Variants in PDE4D observed in about 807,000 individuals in gnomAD.
PDE4D encodes phosphodiesterase 4D.
In PDE4D, 24 loss-of-function variants were observed where a neutral mutation model predicts 87.4. The ratio of observed to expected loss-of-function variants is 0.27; its 90% CI spans 0.20 to 0.39. The LOEUF is 0.39. Among genes scored for constraint, PDE4D ranks in the 10% least tolerant of loss-of-function variants. The pLI is 1.00. For missense variants in PDE4D, 714 were observed against 1,041.0 expected (o/e 0.69, Z 4.32); for synonymous variants, 384 against 383.2 (o/e 1.00, Z -0.02).
At chr5:60,425,810 C>G (rs1482191690) in intron 1 of PDE4D, among the ~76,000 whole-genome samples, 3 of 152,160 alleles carry the variant, frequency 2.0e-5, no homozygotes, top group Admixed American at 6.5e-5. Flanking sequence ...TATCCAGAAT[C>G]TACAAAGAAC....
intron 1 of PDE4D, among the ~76,000 whole-genome samples, chr5:59,334,247 GTTTTTTTTTTTT>G (rs564248041): frequency 5.1e-5 from 5 of 98,602 alleles, no homozygotes; most frequent in African/African-American, 8.2e-5. Flanking sequence ...ATCCAGTGGA[GTTTTTTTTTTTT>G]TTTTTTTTTT....
At chr5:60,212,166 A>AT (rs70975374) in intron 1 of PDE4D, among the ~76,000 whole-genome samples, 16,296 of 151,526 alleles carry the variant, frequency 0.11, 975 homozygotes, top group African/African-American at 0.15. Flanking sequence ...TTATATATAT[A>AT]TTTTTTTTCT....
At chr5:59,760,586 C>T (rs898877617) in intron 1 of PDE4D, among the ~76,000 whole-genome samples, 2 of 152,010 alleles carry the variant, frequency 1.3e-5, no homozygotes, top group Admixed American at 6.6e-5. Context: ...TCATCTAGTC[C>T]TTAATCAGGA....
intron 1 of PDE4D, among the ~76,000 whole-genome samples, chr5:59,645,727 T>C (rs570893305): frequency 6.6e-6 from 1 of 152,134 alleles, no homozygotes; most frequent in Non-Finnish European, 1.5e-5. Context: ...GTTCAAAACA[T>C]ATAAAGCCAG....
chr5:59,916,124 T>C (rs1011356170), intron 3 of PDE4D, among the ~76,000 whole-genome samples: 1 of 152,188 alleles, frequency 6.6e-6, no homozygotes, highest in African/African-American at 2.4e-5. Context: ...AATGCTTTTT[T>C]TCCTGAACTT....
At chr5:60,483,385 T>C (rs1014112759) in intron 1 of PDE4D, among the ~76,000 whole-genome samples, 9 of 152,190 alleles carry the variant, frequency 5.9e-5, no homozygotes, top group African/African-American at 2.2e-4. Flanking sequence ...GATTGGTCAT[T>C]CCTTCATTAT....
At chr5:60,392,373 T>C (rs1192398119) in intron 1 of PDE4D, among the ~76,000 whole-genome samples, 1 of 151,890 alleles carries the variant, frequency 6.6e-6, no homozygotes, top group African/African-American at 2.4e-5. Flanking sequence ...ATTTTTGTTT[T>C]TTCTAGTTGA....
chr5:60,025,243 G>T (rs116377399), intron 2 of PDE4D, among the ~76,000 whole-genome samples: 3 of 152,078 alleles, frequency 2.0e-5, no homozygotes, highest in Non-Finnish European at 4.4e-5. Context: ...TTATGAAAAC[G>T]TTTGCAGCAA....
chr5:59,365,536 G>T (rs952757237), intron 1 of PDE4D, among the ~76,000 whole-genome samples: 1 of 152,128 alleles, frequency 6.6e-6, no homozygotes, highest in Non-Finnish European at 1.5e-5. Context: ...CATATCAAAT[G>T]AGTTATTTTT....
chr5:59,307,422 C>A (rs1002207961), intron 1 of PDE4D, among the ~76,000 whole-genome samples: 9 of 151,700 alleles, frequency 5.9e-5, no homozygotes, highest in Non-Finnish European at 1.2e-4. Context: ...AGTGAACAGG[C>A]AACCTACAAA....
intron 1 of PDE4D, among the ~76,000 whole-genome samples, chr5:60,233,356 A>C (rs1394414038): frequency 6.6e-6 from 1 of 151,874 alleles, no homozygotes; most frequent in African/African-American, 2.4e-5. Flanking sequence ...AATGGTTATT[A>C]ATTTTTTGAG....
intron 1 of PDE4D, among the ~76,000 whole-genome samples, chr5:59,798,899 C>T (rs767912455): frequency 5.9e-5 from 9 of 152,108 alleles, no homozygotes; most frequent in Admixed American, 1.3e-4. Flanking sequence ...AACTCCTAAA[C>T]GCAACCAATT....
intron 2 of PDE4D, among the ~76,000 whole-genome samples, chr5:59,998,764 C>T (rs1441048011): frequency 1.3e-5 from 2 of 151,810 alleles, no homozygotes; most frequent in Non-Finnish European, 2.9e-5. Flanking sequence ...AAGTGTGGTA[C>T]CTTCAAATAA....
intron 1 of PDE4D, among the ~76,000 whole-genome samples, chr5:60,373,238 A>T (rs1561179727): frequency 1.3e-5 from 2 of 152,196 alleles, no homozygotes; most frequent in South Asian, 4.1e-4. Context: ...TTTACATTAC[A>T]TTTCAAAATG....
rs560672579 is a variant in PDE4D, at chr5:59,394,995, C to T, written c.456-179027G>A. On this transcript the variant is annotated intron_variant, in intron 1 of 14. Transcript: ENST00000340635. Reference sequence around the variant, plus strand: ...GGATGGCACCTGGAGAATCGGGTCACTCCCACCCGAATACTGCGCTTTTCC... The same window carrying T: ...GGATGGCACCTGGAGAATCGGGTCATTCCCACCCGAATACTGCGCTTTTCC... Among the ~76,000 whole-genome samples the T allele has an allele frequency of 9.0e-3, 1,375 of 152,260 alleles. 27 individuals carry two copies. Among genetic ancestry groups the T allele is most frequent in the African/African-American group, 0.032 (1,318 of 41,522 alleles).
At chr5:60,498,166 G>GCACACACA (rs34436235) in intron 1 of PDE4D, among the ~76,000 whole-genome samples, 2,459 of 144,278 alleles carry the variant, frequency 0.017, 28 homozygotes, top group Middle Eastern at 0.049. Flanking sequence ...ACACACACAT[G>GCACACACA]CACACACACA....
At chr5:60,215,845 T>A (rs1743798859) in intron 1 of PDE4D, among the ~76,000 whole-genome samples, 1 of 152,108 alleles carries the variant, frequency 6.6e-6, no homozygotes, top group Non-Finnish European at 1.5e-5. Context: ...AAGATAGAAA[T>A]AAGAATTGAA....
At chr5:59,963,694 AGT>A (rs1349707648) in intron 3 of PDE4D, among the ~76,000 whole-genome samples, 1 of 152,204 alleles carries the variant, frequency 6.6e-6, no homozygotes, top group African/African-American at 2.4e-5. Context: ...TCTATTCCAT[AGT>A]TATACAGAGT....
intron 2 of PDE4D, among the ~76,000 whole-genome samples, chr5:60,130,731 T>C (rs940057196): frequency 6.6e-6 from 1 of 152,156 alleles, no homozygotes; most frequent in Non-Finnish European, 1.5e-5. Flanking sequence ...TAGTAAAAGA[T>C]GACACAGTGG....
Sources: gnomAD v4.1 joint callset for allele counts (sites outside exome capture counted in the v4.1 genomes callset) on GRCh38, gnomAD v4.1.1 for gene constraint, MANE v1.5 for transcripts, NCBI Gene and HGNC (gene_info 2026-07-23, HGNC 2026-07-21) for gene names.